HEYL: variants seen among roughly 807,000 people sequenced by gnomAD.
HEYL encodes hes related family bHLH transcription factor with YRPW motif like, also known as hairy/enhancer-of-split related with YRPW motif-like protein.
In HEYL, 12 loss-of-function variants were observed where a neutral mutation model predicts 18.6. The observed-to-expected ratio is 0.65, with a 90% CI of 0.41 to 1.05. The LOEUF (loss-of-function observed/expected upper bound fraction) is 1.05. Ranked by LOEUF, HEYL falls within the 50% of genes least tolerant of loss-of-function variation. The pLI is 0.00. For missense variants in HEYL, 420 were observed against 444.7 expected, an observed-to-expected ratio of 0.94 and a Z score of 0.50; for synonymous variants, 159 against 179.6, an observed-to-expected ratio of 0.89 and a Z score of 0.91.
chr1:39,639,630 A>T lies in HEYL; in HGVS notation c.-5T>A. On this transcript the variant is annotated 5_prime_UTR_variant, in exon 1 of 5. Coordinates refer to ENST00000372852, the MANE Select transcript of HEYL (RefSeq NM_014571.4). ...CGGCTCCTTGGGTCGCTTCATGGCG[A>T]ACGCAGGCTGCCTGGTCTCAGCCCC... The T allele has an allele frequency of 6.4e-7, 1 of 1,550,976 alleles. No individual in the cohort carries two copies. Among genetic ancestry groups the T allele is most frequent in the Non-Finnish European group, 8.7e-7 (1 of 1,155,148 alleles).
In HEYL at chr1:39,626,639, A is replaced by T; in HGVS notation, c.855T>A (p.Gly285=). 1 of 1,540,052 alleles carries T rather than the reference A, an allele frequency of 6.5e-7. No homozygotes were observed. Among genetic ancestry groups the T allele is most frequent in the Non-Finnish European group, 8.7e-7 (1 of 1,145,294 alleles). The change falls in exon 5 of 5, where the codon GGT becomes GGA. Residue 285 remains glycine, a synonymous_variant. Coordinates refer to ENST00000372852, the MANE Select transcript of HEYL (RefSeq NM_014571.4). The stretch of plus-strand genomic sequence containing the variant: ...CCACGTAAGCAGCCGACCCTGTAGG[A>T]CCAGGGGGTGTTGGGGAGGAAGACT... ...LLQSSSPTPP[G]PTGSAAYVAV... is the part of the protein sequence containing the mutation.
rs745866134 is a variant in HEYL, at chr1:39,630,063, G to A, written c.313+164C>T. Among the ~76,000 whole-genome samples the A allele has an allele frequency of 2.6e-5, 4 of 152,224 alleles. No individual in the cohort carries two copies. In the South Asian group the frequency reaches 8.3e-4, roughly 32 times the overall value. ...CAAATGGAGACACTGAAAGTGGAGA[G>A]GGAGATGCTGAAAGGAGAGAGAGAA... On this transcript the variant is annotated intron_variant, in intron 4 of 4. Coordinates refer to ENST00000372852, the MANE Select transcript of HEYL (RefSeq NM_014571.4).
At chr1:39,632,829 TCC>T in intron 1 of HEYL, 114 bp from the exon 2 acceptor site, 1 of 1,531,494 alleles carries the variant, frequency 6.5e-7, no homozygotes, top group Non-Finnish European at 8.7e-7. Context: ...CAGCTTGCTC[TCC>T]CCTTCTTCCT....
chr1:39,632,769 C>A, intron 1 of HEYL, 54 bp from the exon 2 acceptor site: 1 of 1,604,230 alleles, frequency 6.2e-7, no homozygotes, highest in Non-Finnish European at 8.5e-7. Context: ...GTCTCCCCGG[C>A]CTGGGCCGAC....
chr1:39,636,805 C>T (rs1646364110), intron 1 of HEYL, among the ~76,000 whole-genome samples: 1 of 152,156 alleles, frequency 6.6e-6, no homozygotes, highest in South Asian at 2.1e-4. Context: ...TCCAGTAAGT[C>T]CAGTCTTCAC....
chr1:39,628,128 T>A (rs964026237), intron 4 of HEYL, among the ~76,000 whole-genome samples: 1 of 152,188 alleles, frequency 6.6e-6, no homozygotes. Flanking sequence ...AAATATCTAG[T>A]CCTTGGTTCA....
intron 2 of HEYL, among the ~76,000 whole-genome samples, chr1:39,631,788 A>T (rs1395095305): frequency 1.3e-5 from 2 of 152,208 alleles, no homozygotes; most frequent in Admixed American, 1.3e-4. Context: ...TGGGAGTACA[A>T]CTCAGATCTC....
intron 3 of HEYL, among the ~76,000 whole-genome samples, 190 bp downstream of exon 3, chr1:39,631,306 T>TA (rs11378840): frequency 0.28 from 42,175 of 152,094 alleles, 6,176 homozygotes; most frequent in Non-Finnish European, 0.31. Context: ...AATGGGATGA[T>TA]AGACATAAAG....
intron 1 of HEYL, among the ~76,000 whole-genome samples, chr1:39,635,993 G>A (rs544186584): frequency 2.6e-5 from 4 of 152,196 alleles, no homozygotes; most frequent in Admixed American, 6.5e-5. Context: ...ATTCTGGGGC[G>A]GTCTCTTATG....
chr1:39,636,963 C>T (rs1253750693), intron 1 of HEYL, among the ~76,000 whole-genome samples: 1 of 152,208 alleles, frequency 6.6e-6, no homozygotes, highest in Non-Finnish European at 1.5e-5. Flanking sequence ...CTTCATCAAA[C>T]CTTATCCTGC....
At chr1:39,636,184 G>A (rs777006273) in intron 1 of HEYL, among the ~76,000 whole-genome samples, 2 of 152,124 alleles carry the variant, frequency 1.3e-5, no homozygotes, top group African/African-American at 2.4e-5. Context: ...GAAACTCAGA[G>A]GGGAAGGGAT....
intron 1 of HEYL, among the ~76,000 whole-genome samples, chr1:39,636,778 CTG>C (rs987059556): frequency 2.0e-5 from 3 of 152,204 alleles, no homozygotes; most frequent in African/African-American, 7.2e-5. Context: ...GACAGAGACA[CTG>C]GAGTTAAGAA....
rs758111569 is a variant in HEYL, at chr1:39,639,541, C to T, written c.80+5G>A. 10 of 1,580,860 alleles carry T rather than the reference C, an allele frequency of 6.3e-6. No individual in the cohort carries two copies. Among genetic ancestry groups the T allele is most frequent in the Non-Finnish European group, 8.6e-6 (10 of 1,168,220 alleles). ...CCTGCTCGGTCCCCGCATCCCGGCC[C>T]TTACCTCAGCTGGCCCTCTTGGCCC... On this transcript the variant is annotated splice_donor_5th_base_variant and intron_variant, in intron 1 of 4. Transcript: ENST00000372852.
chr1:39,635,787 C>T (rs943094528), intron 1 of HEYL, among the ~76,000 whole-genome samples: 3 of 152,188 alleles, frequency 2.0e-5, no homozygotes, highest in South Asian at 2.1e-4. Context: ...AATAGCCCTC[C>T]GGTCCCCTTA....
intron 1 of HEYL, among the ~76,000 whole-genome samples, chr1:39,637,677 G>A (rs557105251): frequency 7.2e-5 from 11 of 152,210 alleles, no homozygotes; most frequent in African/African-American, 2.2e-4. Flanking sequence ...TCTAAGAACA[G>A]TGTCTAAAAA....
chr1:39,626,218 A>AG lies in HEYL; in HGVS notation c.*288dup, dbSNP rs1025261565. Reference sequence around the variant, plus strand: ...GCTGCTGGTGTGCAGAGGGCAGGAGAGGGGTCTGGGCGGATCTCTGAGGGT... The same window carrying AG: ...GCTGCTGGTGTGCAGAGGGCAGGAGAGGGGGTCTGGGCGGATCTCTGAGGGT... On this transcript the variant is annotated 3_prime_UTR_variant, in exon 5 of 5. Coordinates refer to ENST00000372852, the MANE Select transcript of HEYL (RefSeq NM_014571.4). 5.8e-6 allele frequency: 2 copies of AG among 342,882 alleles called. No individual in the cohort carries two copies. The highest frequency in any genetic ancestry group is 4.2e-5 in the African/African-American group (2 of 47,138). 21.2% of individuals were successfully genotyped at this position (342,882 alleles called of 1,614,324 possible).
intron 1 of HEYL, 95 bp downstream of exon 1, chr1:39,639,451 G>T: frequency 9.7e-7 from 1 of 1,027,646 alleles, no homozygotes; most frequent in Non-Finnish European, 1.4e-6. Context: ...CCCAGGCGGT[G>T]CTGGAGGGCT....
chr1:39,631,693 C>T (rs1338758409), intron 2 of HEYL, 114 bp from the exon 3 acceptor site: 1 of 796,914 alleles, frequency 1.3e-6, no homozygotes, highest in Non-Finnish European at 2.1e-6. Context: ...GGAGATCAAT[C>T]TAGTCTTACT....
chr1:39,639,568 C>T lies in HEYL; in HGVS notation c.58G>A (p.Val20Met). ...SDGESDGPID[V>M]GQEGQLSQMA... Reference sequence around the variant, plus strand: ...TACCTCAGCTGGCCCTCTTGGCCCACGTCGATGGGTCCGTCGGACTCCCCG... The same window carrying T: ...TACCTCAGCTGGCCCTCTTGGCCCATGTCGATGGGTCCGTCGGACTCCCCG... Residue 20 changes from valine (V) to methionine (M), a missense_variant, in exon 1 of 5, where the codon GTG (valine) becomes ATG (methionine). Physicochemically the swap from Val to Met is conservative, Grantham distance 21. Transcript: ENST00000372852. The T allele has an allele frequency of 6.3e-7, 1 of 1,584,572 alleles. No individual in the cohort carries two copies.
Sources: gnomAD v4.1 joint callset for allele counts (sites outside exome capture counted in the v4.1 genomes callset) on GRCh38, gnomAD v4.1.1 for gene constraint, MANE v1.5 for transcripts, NCBI Gene and HGNC (gene_info 2026-07-23, HGNC 2026-07-21) for gene names.